The following SLCO1C1 variants were observed in gnomAD, a reference collection of about 807,000 sequenced individuals.
The protein encoded by SLCO1C1 is OAT-RP-5.
Under a neutral mutation model 76.4 loss-of-function variants are expected in SLCO1C1, and 70 were observed. The ratio of observed to expected loss-of-function variants is 0.92; its 90% confidence interval spans 0.76 to 1.12. The LOEUF is 1.12. SLCO1C1 is among the 50% of genes most tolerant of loss of function. The probability of loss-of-function intolerance (pLI) is 0.00; values close to 1 mark genes in which losing one functional copy is unlikely to be tolerated. For synonymous variants in SLCO1C1, 306 were observed against 286.1 expected, an observed-to-expected ratio of 1.07 and a Z score of -0.70; for missense variants, 912 against 823.8, an observed-to-expected ratio of 1.11 and a Z score of -1.31.
rs1947303262 is a variant in SLCO1C1 at position 20,715,132 on chromosome 12, T to G, written c.530-7T>G. 3.7e-6 allele frequency: 6 copies of G among 1,613,740 alleles called. No homozygotes were observed. In the Middle Eastern group the frequency reaches 9.9e-4, roughly 266 times the overall value. ...TTTTCAATCCTCTGGTTTGCCTTTC[T>G]TTCAAGAATGTGAAGTGGACACTAG... On this transcript the variant is annotated splice_polypyrimidine_tract_variant and splice_region_variant and intron_variant, in intron 5 of 14. Coordinates refer to ENST00000266509, the MANE Select transcript of SLCO1C1 (RefSeq NM_017435.5).
Position 20,718,263 on chromosome 12 carries a change from T to C in SLCO1C1, c.775+1033T>C, listed in dbSNP as rs369702656. 8.9e-4 allele frequency among the ~76,000 whole-genome samples: 135 copies of C among 152,274 alleles called. No individual in the cohort carries two copies. In the South Asian group the frequency reaches 0.025, roughly 29 times the overall value. On this transcript the variant is annotated intron_variant, in intron 7 of 14. Transcript: ENST00000266509. ...CCTAGTATAAGCATTTTACCCAGTA[T>C]AATGCAGTGGCAGTTGAGCCTACTT...
chr12:20,740,037 C>T (rs1247821254), intron 11 of SLCO1C1, 147 bp from the exon 12 acceptor site: 3 of 779,624 alleles, frequency 3.8e-6, no homozygotes, highest in East Asian at 2.8e-5. Context: ...TTTTGCTTTG[C>T]TCAATATACT....
chr12:20,743,443 C>A (rs1476161665), intron 13 of SLCO1C1, 74 bp downstream of exon 13: 2 of 1,210,714 alleles, frequency 1.7e-6, no homozygotes, highest in Non-Finnish European at 1.2e-6. Context: ...AATATTTTTA[C>A]AGAATTGCCA....
intron 9 of SLCO1C1, among the ~76,000 whole-genome samples, chr12:20,729,091 G>A (rs941039828): frequency 6.6e-6 from 1 of 152,078 alleles, no homozygotes; most frequent in African/African-American, 2.4e-5. Flanking sequence ...TGTGGGTGGA[G>A]AATAAATCAA....
In SLCO1C1 at chr12:20,722,049, G is replaced by A; in HGVS notation, c.1021G>A (p.Asp341Asn). 1 of 1,610,782 alleles carries A rather than the reference G, an allele frequency of 6.2e-7. No individual in the cohort carries two copies. The highest frequency in any genetic ancestry group is 8.5e-7 in the Non-Finnish European group (1 of 1,178,670). The change falls in exon 8 of 15, where the codon GAT becomes AAT. Residue 341 changes from aspartate (D) to asparagine (N), a missense_variant and splice_region_variant. Transcript: ENST00000266509. ...ENAKIMEMAR[D>N]FLPSLKNLFG... Reference sequence around the variant, plus strand: ...TGCAAAAATAATGGAAATGGCAAGAGGTAAGTCAAATTCTTGATTTTGAAG... The same window carrying A: ...TGCAAAAATAATGGAAATGGCAAGAAGTAAGTCAAATTCTTGATTTTGAAG...
intron 10 of SLCO1C1, among the ~76,000 whole-genome samples, chr12:20,734,756 A>G (rs181773306): frequency 2.0e-5 from 3 of 152,356 alleles, no homozygotes; most frequent in Admixed American, 2.0e-4. Flanking sequence ...TAAACAAATA[A>G]AAGGTAACAT....
chr12:20,725,413 T>C (rs530424034), intron 9 of SLCO1C1, among the ~76,000 whole-genome samples: 1 of 138,602 alleles, frequency 7.2e-6, no homozygotes, highest in Non-Finnish European at 1.5e-5. Context: ...AATACTATAA[T>C]AATATAGTAA....
chr12:20,743,309 A>T lies in SLCO1C1; in HGVS notation c.1738A>T (p.Ile580Phe). 3 of 1,612,532 alleles carry T rather than the reference A, an allele frequency of 1.9e-6. No individual in the cohort carries two copies. Among genetic ancestry groups the T allele is most frequent in the Non-Finnish European group, 2.5e-6 (3 of 1,179,090 alleles). ...TGGTGCTTTTGTTGATTTTAGGTGCATTAAGCCACAGCTTAAGTCTTTTGC... is the reference window on the plus strand; with the variant it reads ...TGGTGCTTTTGTTGATTTTAGGTGCTTTAAGCCACAGCTTAAGTCTTTTGC... The part of the protein sequence containing the change: ...IPGYILLLRC[I>F]KPQLKSFALG... The change falls in exon 13 of 15, where the codon ATT becomes TTT. Residue 580 changes from isoleucine (I) to phenylalanine (F), a missense_variant. Ile to Phe is a conservative substitution (Grantham distance 21). Coordinates refer to ENST00000266509, the MANE Select transcript of SLCO1C1 (RefSeq NM_017435.5).
intron 7 of SLCO1C1, among the ~76,000 whole-genome samples, chr12:20,721,270 G>A (rs1331682329): frequency 2.6e-5 from 4 of 152,082 alleles, no homozygotes; most frequent in African/African-American, 9.7e-5. Flanking sequence ...CTTTCATGAA[G>A]GAAAGAGCTG....
intron 9 of SLCO1C1, among the ~76,000 whole-genome samples, chr12:20,728,333 GC>G (rs1948122993): frequency 2.6e-5 from 4 of 152,066 alleles, no homozygotes; most frequent in Admixed American, 2.6e-4. Flanking sequence ...TAGGTGTGTG[GC>G]TTTATTTCAA....
intron 7 of SLCO1C1, among the ~76,000 whole-genome samples, chr12:20,720,954 G>A (rs562471381): frequency 1.2e-4 from 16 of 132,726 alleles, no homozygotes; most frequent in East Asian, 2.2e-4. Flanking sequence ...CCGAGATCGC[G>A]CCATTGCACT....
At chr12:20,704,560 T>TAAAATTAAGCTCC (rs1285698920) in intron 3 of SLCO1C1, among the ~76,000 whole-genome samples, 1 of 151,854 alleles carries the variant, frequency 6.6e-6, no homozygotes, top group East Asian at 1.9e-4. Context: ...ATATGAACAT[T>TAAAATTAAGCTCC]AAGAAGAGCT....
chr12:20,716,631 C>T (rs555490075), intron 6 of SLCO1C1, among the ~76,000 whole-genome samples: 1 of 152,266 alleles, frequency 6.6e-6, no homozygotes, highest in South Asian at 2.1e-4. Flanking sequence ...AATCCTAGCA[C>T]CTTTGCTAGC....
intron 7 of SLCO1C1, among the ~76,000 whole-genome samples, chr12:20,720,216 C>T (rs1947590621): frequency 6.6e-6 from 1 of 152,118 alleles, no homozygotes; most frequent in African/African-American, 2.4e-5. Flanking sequence ...TATATATATT[C>T]CTTTCAAAAT....
intron 10 of SLCO1C1, among the ~76,000 whole-genome samples, chr12:20,736,506 C>T (rs929722780): frequency 2.0e-5 from 3 of 152,060 alleles, no homozygotes; most frequent in Non-Finnish European, 4.4e-5. Flanking sequence ...TGAAAGAGCA[C>T]TATACACTGG....
Position 20,701,472 on chromosome 12 carries a change from G to A in SLCO1C1, c.271+13G>A. 6.9e-7 allele frequency: 1 copy of A among 1,455,602 alleles called. No homozygotes were observed. The highest frequency in any genetic ancestry group is 9.2e-7 in the Non-Finnish European group (1 of 1,084,154). 90.2% of individuals were successfully genotyped at this position (1,455,602 alleles called of 1,614,324 possible). A position where few individuals can be genotyped will look rare whatever the true frequency, so the allele number is the denominator to read the frequency against. On this transcript the variant is annotated intron_variant, in intron 3 of 14. Transcript: ENST00000266509. ...AGTTTTGAAATTGGTAGGTATTACA[G>A]ATGCCTGACTTTAATTTTAAGCCCA...
At chr12:20,719,755 G>A (rs1200884952) in intron 7 of SLCO1C1, among the ~76,000 whole-genome samples, 1 of 152,198 alleles carries the variant, frequency 6.6e-6, no homozygotes, top group Non-Finnish European at 1.5e-5. Flanking sequence ...AGGTTCATGA[G>A]GTTTTAGGAA....
intron 3 of SLCO1C1, among the ~76,000 whole-genome samples, chr12:20,705,157 CCAT>C (rs532716024): frequency 6.6e-6 from 1 of 151,950 alleles, no homozygotes; most frequent in Admixed American, 6.6e-5. Flanking sequence ...TCACTTATCA[CCAT>C]CATCAACTAA....
At chr12:20,724,292 CTTTAT>C (rs145516680) in intron 9 of SLCO1C1, among the ~76,000 whole-genome samples, 4,293 of 150,968 alleles carry the variant, frequency 0.028, 138 homozygotes, top group African/African-American at 0.077. Context: ...TTAAGAGAGA[CTTTAT>C]TTTATTTCAC....
Sources: allele counts gnomAD v4.1 joint callset (sites outside exome capture counted in the v4.1 genomes callset), GRCh38; gene constraint gnomAD v4.1.1; transcripts MANE v1.5; gene names NCBI Gene and HGNC (gene_info 2026-07-23, HGNC 2026-07-21).